MYO1D: variants seen among roughly 807,000 people sequenced by gnomAD.
MYO1D encodes myosin ID, also known as unconventional myosin-Id.
MYO1D carries 83 observed loss-of-function variants against 122.0 expected under a neutral mutation model. The ratio of observed to expected loss-of-function variants is 0.68; its 90% CI spans 0.57 to 0.82. MYO1D has a LOEUF of 0.82. MYO1D is among the 40% of genes least tolerant of loss of function. MYO1D has a pLI of 0.00. For missense variants in MYO1D, 1,157 were observed against 1,269.5 expected (o/e 0.91, Z 1.35); for synonymous variants, 464 against 446.9 (o/e 1.04, Z -0.48).
intron 1 of MYO1D, among the ~76,000 whole-genome samples, chr17:32,787,944 G>A (rs959213467): frequency 3.9e-5 from 6 of 152,262 alleles, no homozygotes; most frequent in South Asian, 2.1e-4. Flanking sequence ...TTTTATGGCC[G>A]AGTAGTATTC....
intron 1 of MYO1D, among the ~76,000 whole-genome samples, chr17:32,873,536 A>G (rs1232689464): frequency 6.6e-6 from 1 of 152,212 alleles, no homozygotes; most frequent in Non-Finnish European, 1.5e-5. Context: ...CCAGGAGACA[A>G]AAACACTTCA....
At chr17:32,595,470 ATAACT>A (rs1204541799) in intron 21 of MYO1D, among the ~76,000 whole-genome samples, 5 of 152,326 alleles carry the variant, frequency 3.3e-5, no homozygotes, top group Middle Eastern at 6.8e-3. Flanking sequence ...TGTCAGAAAA[ATAACT>A]TAAAAAAAGG....
At position 32,492,710 on chromosome 17, in the gene MYO1D, T is replaced by C. The variant is rs571924966; in HGVS notation, c.*2049A>G. The C allele has an allele frequency of 2.0e-5, 3 of 152,754 alleles. No homozygotes were observed. The highest frequency in any genetic ancestry group is 3.9e-4 in the East Asian group (2 of 5,186). The allele number at this position is 152,754 out of a possible 1,614,324, so 9.5% of individuals were successfully genotyped here. On this transcript the variant is annotated 3_prime_UTR_variant, in exon 22 of 22. Transcript: ENST00000318217. Reference sequence around the variant, plus strand: ...GGAGTTTTTGCACCAAACCATAAAATTGCATTTCATTACATCAAGAGAACC... The same window carrying C: ...GGAGTTTTTGCACCAAACCATAAAACTGCATTTCATTACATCAAGAGAACC...
At chr17:32,677,450 G>C (rs2088829298) in intron 16 of MYO1D, among the ~76,000 whole-genome samples, 1 of 152,014 alleles carries the variant, frequency 6.6e-6, no homozygotes. Context: ...TTCCATGTGA[G>C]TGGTGTGAAT....
At chr17:32,829,904 TAAAC>T (rs908990428) in intron 1 of MYO1D, among the ~76,000 whole-genome samples, 4 of 152,160 alleles carry the variant, frequency 2.6e-5, no homozygotes, top group African/African-American at 9.7e-5. Context: ...GCTAATCAAA[TAAAC>T]AGACATCTCT....
rs117456977 is a variant in MYO1D at position 32,494,284 on chromosome 17, C to A, written c.*475G>T. 0.013 allele frequency: 1,977 copies of A among 155,138 alleles called. 14 individuals are homozygous for A. Among genetic ancestry groups the A allele is most frequent in the Middle Eastern group, 0.02 (6 of 306 alleles). The allele number at this position is 155,138 out of a possible 1,614,324, so 9.6% of individuals were successfully genotyped here. ...GTTGGGTTGGGGTGGGTCCGCCGAA[C>A]TCTGAGCAGAGCCTCCCTGAGCTGG... On this transcript the variant is annotated 3_prime_UTR_variant, in exon 22 of 22. Coordinates refer to ENST00000318217, the MANE Select transcript of MYO1D (RefSeq NM_015194.3).
Position 32,564,552 on chromosome 17 carries a change from C to T in MYO1D, c.2864+40535G>A, listed in dbSNP as rs556348309. On this transcript the variant is annotated intron_variant, in intron 21 of 21. Coordinates refer to ENST00000318217, the MANE Select transcript of MYO1D (RefSeq NM_015194.3). The stretch of plus-strand genomic sequence containing the variant: ...ACCTGCTTTCCTTCCTTCCCTCTTT[C>T]GGTATTTATTTAGTGTTTCCTGTGC... Among the ~76,000 whole-genome samples, 6 of 152,292 alleles carry T rather than the reference C, an allele frequency of 3.9e-5. No individual in the cohort carries two copies. The South Asian group carries it at 6.2e-4, about 16-fold the overall frequency.
rs386385913 is a variant in MYO1D, at chr17:32,568,186, CA to C, written c.2864+36900del. Among the ~76,000 whole-genome samples, 679 of 124,302 alleles carry C rather than the reference CA, an allele frequency of 5.5e-3. 7 individuals carry two copies. The highest frequency in any genetic ancestry group is 9.6e-3 in the African/African-American group (332 of 34,406). 81.5% of individuals were successfully genotyped at this position (124,302 alleles called of 152,430 possible). ...TCCTCTTTATCTTTCTGCGTTATTA[CA>C]AAAAAAAAAAAAAAAGGCTGGTGTC... On this transcript the variant is annotated intron_variant, in intron 21 of 21. Transcript: ENST00000318217.
rs116216758 is a variant in MYO1D at position 32,713,894 on chromosome 17, G to A, written c.1914-1699C>T. Among the ~76,000 whole-genome samples, 3 of 152,038 alleles carry A rather than the reference G, an allele frequency of 2.0e-5. No individual in the cohort carries two copies. In the South Asian group the frequency reaches 6.3e-4, roughly 32 times the overall value. On this transcript the variant is annotated intron_variant, in intron 15 of 21. Transcript: ENST00000318217. ...CCGCCTTGGCCTCTCAAAATGCTGG[G>A]ATTATAGGCAAGAGCCACTGCACTC...
intron 11 of MYO1D, among the ~76,000 whole-genome samples, chr17:32,750,429 C>G (rs907849635): frequency 8.6e-5 from 13 of 151,870 alleles, no homozygotes; most frequent in Admixed American, 7.2e-4. Flanking sequence ...CTGGCTAACA[C>G]AGTGAAACCC....
intron 12 of MYO1D, among the ~76,000 whole-genome samples, chr17:32,746,193 C>T (rs141318245): frequency 3.3e-5 from 5 of 152,266 alleles, no homozygotes; most frequent in African/African-American, 1.2e-4. Context: ...TTAAGGTTAC[C>T]ATACCCAAAA....
intron 8 of MYO1D, among the ~76,000 whole-genome samples, chr17:32,761,140 C>T (rs1263464458): frequency 6.6e-6 from 1 of 152,206 alleles, no homozygotes; most frequent in Non-Finnish European, 1.5e-5. Flanking sequence ...AACACACACA[C>T]TAAGCCACAC....
chr17:32,829,200 TA>T (rs1196805035), intron 1 of MYO1D, among the ~76,000 whole-genome samples: 1 of 152,196 alleles, frequency 6.6e-6, no homozygotes, highest in East Asian at 1.9e-4. Context: ...ACAGGGGAAC[TA>T]GATACTTAGA....
rs1555548118 is a variant in MYO1D at position 32,849,813 on chromosome 17, T to TTA, written c.95+26964_95+26965insTA. Among the ~76,000 whole-genome samples the TTA allele has an allele frequency of 8.6e-5, 13 of 151,594 alleles. 2 individuals carry two copies. In the East Asian group the frequency reaches 1.5e-3, roughly 18 times the overall value. On this transcript the variant is annotated intron_variant, in intron 1 of 21. Coordinates refer to ENST00000318217, the MANE Select transcript of MYO1D (RefSeq NM_015194.3). ...ATGTACCCTAAAACTTAAAGTATAA[T>TTA]AAAAAAAAATTAAGTGTTTTCATCT...
intron 1 of MYO1D, among the ~76,000 whole-genome samples, chr17:32,839,301 C>T (rs2090855562): frequency 6.6e-6 from 1 of 152,082 alleles, no homozygotes. Context: ...CTTATTTTTC[C>T]AAGAGCCAAG....
At chr17:32,769,806 T>C (rs1598083737) in intron 6 of MYO1D, among the ~76,000 whole-genome samples, 1 of 149,134 alleles carries the variant, frequency 6.7e-6, no homozygotes, top group African/African-American at 2.4e-5. Flanking sequence ...AAAAAAAAGG[T>C]GGGGAAAGCA....
At chr17:32,639,079 C>T (rs2088150645) in intron 19 of MYO1D, among the ~76,000 whole-genome samples, 1 of 152,082 alleles carries the variant, frequency 6.6e-6, no homozygotes, top group South Asian at 2.1e-4. Flanking sequence ...GTAACCCAGA[C>T]ACCATCAAGT....
intron 21 of MYO1D, among the ~76,000 whole-genome samples, chr17:32,553,064 C>T (rs1212720373): frequency 1.4e-5 from 2 of 142,838 alleles, no homozygotes; most frequent in Admixed American, 7.2e-5. Context: ...TAGTGAGATG[C>T]CATTCTCTAA....
chr17:32,588,009 A>G (rs1351786103), intron 21 of MYO1D, among the ~76,000 whole-genome samples: 1 of 152,260 alleles, frequency 6.6e-6, no homozygotes, highest in East Asian at 1.9e-4. Flanking sequence ...ATAAAGAGTC[A>G]AAAGAAACAC....
Sources: allele counts gnomAD v4.1 joint callset (sites outside exome capture counted in the v4.1 genomes callset), GRCh38; gene constraint gnomAD v4.1.1; transcripts MANE v1.5; gene names NCBI Gene and HGNC (gene_info 2026-07-23, HGNC 2026-07-21).